The following ATP6V1C2 variants were observed in gnomAD, a reference collection of about 807,000 sequenced individuals.
ATP6V1C2 encodes the protein V-type proton ATPase subunit C 2.
In ATP6V1C2, 45 loss-of-function variants were observed where a neutral mutation model predicts 56.8. That is an observed-to-expected ratio of 0.79 (90% CI 0.62 to 1.02). The LOEUF is 1.02. ATP6V1C2 is among the 50% of genes least tolerant of loss of function. ATP6V1C2 has a pLI of 0.00. For missense variants in ATP6V1C2, 463 were observed against 519.7 expected, an observed-to-expected ratio of 0.89 and a Z score of 1.06; for synonymous variants, 220 against 201.3, an observed-to-expected ratio of 1.09 and a Z score of -0.79.
intron 4 of ATP6V1C2, among the ~76,000 whole-genome samples, 165 bp downstream of exon 4, chr2:10,754,231 ATAT>A (rs1055750994): frequency 1.3e-5 from 2 of 151,126 alleles, no homozygotes; most frequent in South Asian, 2.1e-4. Context: ...TTATTTATTT[ATAT>A]TATTATTATT....
intron 2 of ATP6V1C2, among the ~76,000 whole-genome samples, chr2:10,725,841 A>C (rs1354457365): frequency 1.6e-4 from 25 of 151,752 alleles, no homozygotes. Context: ...GCACTTTGGG[A>C]GGCCAAGGCA....
chr2:10,728,113 G>A (rs1457292693), intron 3 of ATP6V1C2, among the ~76,000 whole-genome samples: 1 of 152,044 alleles, frequency 6.6e-6, no homozygotes, highest in African/African-American at 2.4e-5. Flanking sequence ...ACAGGGTCTG[G>A]CTCTGTTGCC....
intron 3 of ATP6V1C2, among the ~76,000 whole-genome samples, chr2:10,744,651 GT>G (rs201274617): frequency 1.8e-4 from 27 of 146,798 alleles, no homozygotes; most frequent in African/African-American, 4.8e-4. Context: ...TGCTTGATGG[GT>G]TTTTTTTTCT....
At position 10,730,504 on chromosome 2, in the gene ATP6V1C2, A is replaced by G. The variant is rs537670881; in HGVS notation, c.197+3935A>G. On this transcript the variant is annotated intron_variant, in intron 3 of 13. Transcript: ENST00000272238. The stretch of plus-strand genomic sequence containing the variant: ...GTTGCTATTTACCTTCTGATTGCCT[A>G]AGAATAGTAGGATGCCTTTGTTAGT... Among the ~76,000 whole-genome samples, 6 of 151,940 alleles carry G rather than the reference A, an allele frequency of 3.9e-5. No homozygotes were observed. The East Asian group carries it at 1.2e-3, about 29-fold the overall frequency.
chr2:10,764,954 G>A (rs1209615320), intron 5 of ATP6V1C2, among the ~76,000 whole-genome samples: 1 of 148,552 alleles, frequency 6.7e-6, no homozygotes, highest in Non-Finnish European at 1.5e-5. Context: ...TTGGGCAACA[G>A]AATGAGGTTC....
In ATP6V1C2 at chr2:10,784,689, A is replaced by G. The variant is rs1434600257; in HGVS notation, c.*1426A>G. 1.5e-5 allele frequency: 8 copies of G among 535,844 alleles called. No homozygotes were observed. In the African/African-American group the frequency reaches 1.5e-4, roughly 10 times the overall value. 33.2% of individuals were successfully genotyped at this position (535,844 alleles called of 1,614,324 possible). On this transcript the variant is annotated 3_prime_UTR_variant, in exon 14 of 14. Transcript: ENST00000272238. ...CAGGTTAAATGTTCACTTTAAGGTAATAATCAGGAAAGCAACCTTACTACT... is the reference window on the plus strand; with the variant it reads ...CAGGTTAAATGTTCACTTTAAGGTAGTAATCAGGAAAGCAACCTTACTACT...
chr2:10,763,618 C>T lies in ATP6V1C2; in HGVS notation c.284-713C>T, dbSNP rs1017799258. On this transcript the variant is annotated intron_variant, in intron 4 of 13. Transcript: ENST00000272238. This position sits in a 1 kb window ranked among gnomAD's most constrained non-coding sequence, Gnocchi z 4.2. ...GGGGCACAGGAATTCCAGGGGCCAC[C>T]GTGGCGCTGCAGCTTCCAGGGAATT... Among the ~76,000 whole-genome samples, 1 of 152,170 alleles carries T rather than the reference C, an allele frequency of 6.6e-6. No homozygotes were observed. The highest frequency in any genetic ancestry group is 2.4e-5 in the African/African-American group (1 of 41,438).
chr2:10,766,039 A>G (rs2148483644), intron 5 of ATP6V1C2, among the ~76,000 whole-genome samples: 1 of 152,246 alleles, frequency 6.6e-6, no homozygotes, highest in South Asian at 2.1e-4. Context: ...CTGAGTGCAG[A>G]AGAGGAAGCT....
intron 5 of ATP6V1C2, among the ~76,000 whole-genome samples, chr2:10,767,259 C>T (rs1206329574): frequency 7.1e-6 from 1 of 141,472 alleles, no homozygotes; most frequent in Non-Finnish European, 1.5e-5. Flanking sequence ...CTCCCTGGTT[C>T]AAGCAATTAT....
intron 3 of ATP6V1C2, among the ~76,000 whole-genome samples, chr2:10,741,297 T>G (rs1287013458): frequency 6.6e-6 from 1 of 152,232 alleles, no homozygotes; most frequent in Admixed American, 6.5e-5. Context: ...ATCACTTAAT[T>G]GCTGTGGAGT....
intron 6 of ATP6V1C2, among the ~76,000 whole-genome samples, chr2:10,770,918 A>T (rs1206186454): frequency 6.6e-6 from 1 of 152,228 alleles, no homozygotes; most frequent in Admixed American, 6.5e-5. Flanking sequence ...TTATTCATTC[A>T]ACAAACGTGT....
chr2:10,742,722 C>G (rs1399038585), intron 3 of ATP6V1C2, among the ~76,000 whole-genome samples: 2 of 152,192 alleles, frequency 1.3e-5, no homozygotes, highest in African/African-American at 4.8e-5. Context: ...CAGGGCCATT[C>G]TACCACCCCT....
intron 12 of ATP6V1C2, among the ~76,000 whole-genome samples, chr2:10,779,905 C>T (rs560445562): frequency 1.1e-4 from 17 of 152,252 alleles, no homozygotes; most frequent in African/African-American, 3.4e-4. Flanking sequence ...GAAACGCCTT[C>T]GAAGGCCGCT....
chr2:10,732,876 CAGG>C (rs1287302364), intron 3 of ATP6V1C2, among the ~76,000 whole-genome samples: 1 of 150,324 alleles, frequency 6.7e-6, no homozygotes, highest in East Asian at 2.0e-4. Flanking sequence ...GAGGCTGAGG[CAGG>C]AGAATTGCTT....
intron 3 of ATP6V1C2, among the ~76,000 whole-genome samples, chr2:10,742,393 A>G (rs936273601): frequency 6.6e-6 from 1 of 152,090 alleles, no homozygotes; most frequent in Non-Finnish European, 1.5e-5. Context: ...CCTTCCTTCT[A>G]CAAAGAAGGG....
chr2:10,753,957 GCT>G lies in ATP6V1C2; in HGVS notation c.198-21_198-20del, dbSNP rs1558404337. Reference sequence around the variant, plus strand: ...TGAGGACAGCTTCCTACTCTAACCGGCTCTTTTTCTTCTCTCTCCAAAGCCTC... The same window carrying G: ...TGAGGACAGCTTCCTACTCTAACCGGCTTTTTCTTCTCTCTCCAAAGCCTC... On this transcript the variant is annotated intron_variant, in intron 3 of 13. Coordinates refer to ENST00000272238, the MANE Select transcript of ATP6V1C2 (RefSeq NM_001039362.2). 4 of 1,580,130 alleles carry G rather than the reference GCT, an allele frequency of 2.5e-6. No individual in the cohort carries two copies. In the East Asian group the frequency reaches 6.9e-5, roughly 27 times the overall value.
intron 6 of ATP6V1C2, among the ~76,000 whole-genome samples, chr2:10,770,510 C>T (rs541854899): frequency 6.6e-6 from 1 of 152,320 alleles, no homozygotes; most frequent in South Asian, 2.1e-4. Flanking sequence ...GGCGCCGGGG[C>T]AGAGAGCCCT....
rs752793952 is a variant in ATP6V1C2, at chr2:10,777,692, CAG to C, written c.946_947del (p.Ser316Ter). 8.8e-4 allele frequency: 1,345 copies of C among 1,519,782 alleles called. No individual in the cohort carries two copies. The highest frequency in any genetic ancestry group is 3.5e-3 in the Admixed American group (199 of 56,688). 94.1% of individuals were successfully genotyped at this position (1,519,782 alleles called of 1,614,324 possible). On this transcript the variant is annotated frameshift_variant, in exon 11 of 14. Transcript: ENST00000272238. LOFTEE classifies it high-confidence loss of function. Reference sequence around the variant, plus strand: ...ATAGGCCTGCTGCGGGGCAGACCGACAGAGAGAGAGAGAGTGAGGGCGAGGGT... The same window carrying C: ...ATAGGCCTGCTGCGGGGCAGACCGACAGAGAGAGAGAGTGAGGGCGAGGGT... The part of the protein sequence containing the change: ...PDRPAAGQTD[R>X]ERESEGEGEG...
In ATP6V1C2 at chr2:10,784,472, G is replaced by C; in HGVS notation, c.*1209G>C. The C allele has an allele frequency of 5.1e-6, 3 of 589,848 alleles. No homozygotes were observed. Among genetic ancestry groups the C allele is most frequent in the Non-Finnish European group, 8.8e-6 (3 of 339,692 alleles). 36.5% of individuals were successfully genotyped at this position (589,848 alleles called of 1,614,324 possible). A position where few individuals can be genotyped will look rare whatever the true frequency, so the allele number is the denominator to read the frequency against. Reference sequence around the variant, plus strand: ...CAGTCTGACTCCTACCCTGACCTTCGTACCTATGATTATACGGATGGAAAA... The same window carrying C: ...CAGTCTGACTCCTACCCTGACCTTCCTACCTATGATTATACGGATGGAAAA... On this transcript the variant is annotated 3_prime_UTR_variant, in exon 14 of 14. Coordinates refer to ENST00000272238, the MANE Select transcript of ATP6V1C2 (RefSeq NM_001039362.2).
Sources: allele counts gnomAD v4.1 joint callset (sites outside exome capture counted in the v4.1 genomes callset), GRCh38; gene constraint gnomAD v4.1.1; non-coding constraint Gnocchi (gnomAD v3.1); transcripts MANE v1.5; gene names NCBI Gene and HGNC (gene_info 2026-07-23, HGNC 2026-07-21).